Variants in MTERF4 observed in about 807,000 individuals in gnomAD.
The protein encoded by MTERF4 is transcription termination factor 4, mitochondrial.
MTERF4 carries 17 observed loss-of-function variants against 22.5 expected under a neutral mutation model. The ratio of observed to expected loss-of-function variants is 0.75; its 90% CI spans 0.52 to 1.13. MTERF4 has a LOEUF of 1.13. Ranked by LOEUF, MTERF4 falls within the 50% of genes most tolerant of loss-of-function variation. MTERF4 has a pLI of 0.00. For synonymous variants in MTERF4, 165 were observed against 175.3 expected, an observed-to-expected ratio of 0.94 and a Z score of 0.47; for missense variants, 420 against 466.8, an observed-to-expected ratio of 0.90 and a Z score of 0.92.
downstream of MTERF4, chr2:241,067,740 T>A (rs1331394966): frequency 6.3e-7 from 1 of 1,584,568 alleles, no homozygotes; most frequent in Non-Finnish European, 8.6e-7. Context: ...GGCCGGCACC[T>A]GCTGAACAGT....
At chr2:241,078,815 T>G (rs997546153) in intron 4 of MTERF4, among the ~76,000 whole-genome samples, 2 of 150,660 alleles carry the variant, frequency 1.3e-5, no homozygotes, top group African/African-American at 5.0e-5. Flanking sequence ...ATGCCTGCTT[T>G]AAAAAAGTTA....
intron 4 of MTERF4, among the ~76,000 whole-genome samples, chr2:241,076,730 T>A (rs2063036484): frequency 6.6e-6 from 1 of 151,784 alleles, no homozygotes; most frequent in South Asian, 2.1e-4. Context: ...GGCATTTAGA[T>A]CAGTGGAAAA....
the MTERF4 span, among the ~76,000 whole-genome samples, chr2:241,061,736 T>G: frequency 6.6e-6 from 1 of 151,578 alleles, no homozygotes; most frequent in African/African-American, 2.4e-5. Context: ...AATACAAAAA[T>G]TAGTCGGGCA....
chr2:241,049,748 C>A, the MTERF4 span: 2 of 1,232,744 alleles, frequency 1.6e-6, no homozygotes, highest in African/African-American at 1.5e-5. Flanking sequence ...GCAAGGTGCC[C>A]GCCAGCCTCT....
At chr2:241,087,192 C>T (rs2063626212), downstream of MTERF4, 5 of 568,036 alleles carry the variant, frequency 8.8e-6, no homozygotes, top group Non-Finnish European at 1.3e-5. Context: ...ATTACTGTAC[C>T]ACAATAAATT....
rs1005432472 is a variant in MTERF4 at position 241,073,563 on chromosome 2, G to A, written n.2599C>T. Reference sequence around the variant, plus strand: ...ACCCAAGCAGTGGGACCCCACAGACGGGAACAGGCCAGGGGGCAGGACCCA... The same window carrying A: ...ACCCAAGCAGTGGGACCCCACAGACAGGAACAGGCCAGGGGGCAGGACCCA... On this transcript the variant is annotated non_coding_transcript_exon_variant, in exon 5 of 5. Coordinates refer to the MTERF4 transcript ENST00000464344. The surrounding 1 kb of genome is among the most constrained non-coding windows in gnomAD (Gnocchi z 6.6). 3.5e-5 allele frequency: 22 copies of A among 628,074 alleles called. No homozygotes were observed. Among genetic ancestry groups the A allele is most frequent in the East Asian group, 5.5e-5 (2 of 36,444 alleles). 38.9% of individuals were successfully genotyped at this position (628,074 alleles called of 1,614,324 possible).
the MTERF4 span, among the ~76,000 whole-genome samples, chr2:241,060,182 A>G: frequency 2.0e-5 from 3 of 151,030 alleles, no homozygotes; most frequent in African/African-American, 7.4e-5. Flanking sequence ...AGCTAAAACT[A>G]TAAACTTTTT....
exon 5 of MTERF4, chr2:241,072,820 T>G (rs2062801591): frequency 1.0e-5 from 2 of 196,226 alleles, no homozygotes; most frequent in Non-Finnish European, 2.1e-5. Flanking sequence ...GATCCCTGCA[T>G]AAGAAGTGAT....
At chr2:241,086,126 C>T (rs972216319), downstream of MTERF4, among the ~76,000 whole-genome samples, 4 of 152,152 alleles carry the variant, frequency 2.6e-5, no homozygotes, top group African/African-American at 9.7e-5. Context: ...CTTGGCCTCC[C>T]AAAGTGCTGG....
chr2:241,100,103 T>C, intron 1 of MTERF4: 1 of 563,624 alleles, frequency 1.8e-6, no homozygotes, highest in East Asian at 3.0e-5. Flanking sequence ...GAGATGGGAG[T>C]CAAGCAGGTA....
intron 4 of MTERF4, among the ~76,000 whole-genome samples, chr2:241,078,107 G>T (rs1053860669): frequency 1.3e-5 from 2 of 152,120 alleles, no homozygotes; most frequent in Non-Finnish European, 2.9e-5. Flanking sequence ...AAAAGTGGCC[G>T]GGCGCGGTGG....
At chr2:241,069,054 G>A (rs567588131), downstream of MTERF4, 124 of 1,439,250 alleles carry the variant, frequency 8.6e-5, no homozygotes, top group African/African-American at 1.6e-4. The surrounding 1 kb of genome is among the most constrained non-coding windows in gnomAD (Gnocchi z 4.9). Context: ...CCCGGCACAC[G>A]AAAGGCCGTC....
At position 241,099,587 on chromosome 2, in the gene MTERF4, T is replaced by TTA. The variant is rs770243496; in HGVS notation, c.327_328dup (p.Asn110IlefsTer28). The TTA allele has an allele frequency of 9.3e-5, 150 of 1,614,076 alleles. No homozygotes were observed. The highest frequency in any genetic ancestry group is 1.3e-4 in the Non-Finnish European group (149 of 1,180,040). ...ACCTCGCCGTACACTGAGCAATTCATTAATATGGGCATTGCTGAAACCCAT... is the reference window on the plus strand; with the variant it reads ...ACCTCGCCGTACACTGAGCAATTCATTATAATATGGGCATTGCTGAAACCCAT... On this transcript the variant is annotated frameshift_variant, in exon 2 of 4. Transcript: ENST00000391980. LOFTEE classifies it high-confidence loss of function.
At chr2:241,101,466 G>A (rs1294155577) in intron 1 of MTERF4, among the ~76,000 whole-genome samples, 1 of 152,226 alleles carries the variant, frequency 6.6e-6, no homozygotes, top group Non-Finnish European at 1.5e-5. Context: ...AATAGGCAAG[G>A]GACGGTACCG....
the MTERF4 span, among the ~76,000 whole-genome samples, chr2:241,047,907 G>A: frequency 2.7e-5 from 4 of 150,810 alleles, no homozygotes; most frequent in African/African-American, 4.9e-5. Flanking sequence ...TGGTCTCTCC[G>A]GTGCTTCTTG....
chr2:241,055,944 T>C, the MTERF4 span, among the ~76,000 whole-genome samples: 1 of 152,234 alleles, frequency 6.6e-6, no homozygotes, highest in African/African-American at 2.4e-5. Flanking sequence ...ACAGGTCAGC[T>C]ACTCAGCTTC....
At chr2:241,049,266 G>A in the MTERF4 span, 2 of 666,632 alleles carry the variant, frequency 3.0e-6, no homozygotes, top group East Asian at 2.7e-5. Flanking sequence ...GGCACCTGGG[G>A]AAGCCTCTCT....
At chr2:241,061,546 C>T in the MTERF4 span, among the ~76,000 whole-genome samples, 1 of 152,154 alleles carries the variant, frequency 6.6e-6, no homozygotes, top group Non-Finnish European at 1.5e-5. Flanking sequence ...AACTTCACGT[C>T]TGCACCAGGA....
chr2:241,070,136 TAGC>T (rs2062634455), downstream of MTERF4: 3 of 1,612,152 alleles, frequency 1.9e-6, no homozygotes, highest in Non-Finnish European at 2.5e-6. Context: ...CTCTCTGTGA[TAGC>T]AGTGCAGAGC....
Sources: allele counts gnomAD v4.1 joint callset (sites outside exome capture counted in the v4.1 genomes callset), GRCh38; gene constraint gnomAD v4.1.1; non-coding constraint Gnocchi (gnomAD v3.1); transcripts MANE v1.5; gene names NCBI Gene and HGNC (gene_info 2026-07-23, HGNC 2026-07-21).